The following REEP1 variants were observed in gnomAD, a reference collection of about 807,000 sequenced individuals.
REEP1 encodes receptor expression-enhancing protein 1.
In REEP1, 22 loss-of-function variants were observed where a neutral mutation model predicts 40.3. The ratio of observed to expected loss-of-function variants is 0.55; its 90% CI spans 0.39 to 0.78. The LOEUF is 0.78. REEP1 is among the 30% of genes least tolerant of loss of function. The probability of loss-of-function intolerance (pLI) is 0.00; values close to 1 mark genes in which losing one functional copy is unlikely to be tolerated. For synonymous variants in REEP1, 116 were observed against 139.2 expected, an observed-to-expected ratio of 0.83 and a Z score of 1.17; for missense variants, 280 against 361.1, an observed-to-expected ratio of 0.78 and a Z score of 1.82.
intron 3 of REEP1, among the ~76,000 whole-genome samples, chr2:86,259,903 T>C (rs1337495721): frequency 6.6e-6 from 1 of 152,164 alleles, no homozygotes; most frequent in Non-Finnish European, 1.5e-5. Context: ...AGAAGGTCCA[T>C]ACAAGTGGCT....
intron 2 of REEP1, among the ~76,000 whole-genome samples, chr2:86,276,216 C>T (rs1677748323): frequency 6.6e-6 from 1 of 152,216 alleles, no homozygotes; most frequent in Non-Finnish European, 1.5e-5. Context: ...GCAGCAATGA[C>T]CAAGCATCTC....
At chr2:86,285,026 G>A (rs991938483) in intron 1 of REEP1, among the ~76,000 whole-genome samples, 3 of 152,216 alleles carry the variant, frequency 2.0e-5, no homozygotes, top group Admixed American at 6.5e-5. Flanking sequence ...AATGAAGGAA[G>A]CAGGCTCAAG....
chr2:86,337,776 G>T (rs1681125090), upstream of REEP1: 4 of 808,646 alleles, frequency 4.9e-6, no homozygotes, highest in African/African-American at 1.8e-5. This position sits in a 1 kb window ranked among gnomAD's most constrained non-coding sequence, Gnocchi z 5.8. Flanking sequence ...GGCCCGCCCC[G>T]TCCCGCTCGC....
chr2:86,296,864 G>GA (rs932263613), intron 1 of REEP1, among the ~76,000 whole-genome samples: 13 of 151,798 alleles, frequency 8.6e-5, no homozygotes, highest in Non-Finnish European at 1.8e-4. Flanking sequence ...TCTCAAAAAA[G>GA]AAAAAAAATT....
chr2:86,252,200 A>C (rs188715725), intron 4 of REEP1, 130 bp from the exon 5 acceptor site: 1 of 740,328 alleles, frequency 1.4e-6, no homozygotes, highest in African/African-American at 1.7e-5. Flanking sequence ...GAAAAGCTGT[A>C]GGCACTTTGA....
At chr2:86,306,662 T>G (rs1382069168) in intron 1 of REEP1, among the ~76,000 whole-genome samples, 1 of 152,236 alleles carries the variant, frequency 6.6e-6, no homozygotes, top group Non-Finnish European at 1.5e-5. Context: ...TTATCTGATC[T>G]ACAAATTGGT....
At chr2:86,284,494 G>T (rs777555544) in intron 1 of REEP1, among the ~76,000 whole-genome samples, 4 of 152,172 alleles carry the variant, frequency 2.6e-5, no homozygotes, top group African/African-American at 9.7e-5. Flanking sequence ...GGGAACGCTC[G>T]TGACCTTGGG....
At chr2:86,315,656 G>A (rs1434334822) in intron 1 of REEP1, among the ~76,000 whole-genome samples, 6 of 152,130 alleles carry the variant, frequency 3.9e-5, no homozygotes, top group African/African-American at 1.4e-4. Flanking sequence ...ATACCCTCAT[G>A]GATACCAAAA....
At chr2:86,337,916 G>A, upstream of REEP1, 2 of 1,112,886 alleles carry the variant, frequency 1.8e-6, no homozygotes, top group Non-Finnish European at 1.3e-6. This position sits in a 1 kb window ranked among gnomAD's most constrained non-coding sequence, Gnocchi z 5.8. Context: ...GCGTTCCAGC[G>A]GAGAAACTGA....
chr2:86,254,963 G>T, intron 3 of REEP1, 149 bp from the exon 4 acceptor site: 1 of 775,298 alleles, frequency 1.3e-6, no homozygotes. Flanking sequence ...ACCTATGAAG[G>T]TGAGGGCACA....
chr2:86,263,363 G>A (rs1676962508), intron 3 of REEP1, among the ~76,000 whole-genome samples: 1 of 152,108 alleles, frequency 6.6e-6, no homozygotes, highest in Non-Finnish European at 1.5e-5. Flanking sequence ...CCAAGTAGCT[G>A]GGACTACAGG....
At chr2:86,330,710 T>G (rs918799809) in intron 1 of REEP1, among the ~76,000 whole-genome samples, 1 of 152,064 alleles carries the variant, frequency 6.6e-6, no homozygotes, top group Non-Finnish European at 1.5e-5. Context: ...CCTCCCAAAG[T>G]GCTGGGATTA....
intron 1 of REEP1, among the ~76,000 whole-genome samples, chr2:86,295,515 C>CAG (rs1678933652): frequency 6.6e-6 from 1 of 152,166 alleles, no homozygotes; most frequent in Non-Finnish European, 1.5e-5. Context: ...ATATAACAAA[C>CAG]AGCTGCTTTG....
At chr2:86,317,895 C>T (rs4832276) in intron 1 of REEP1, among the ~76,000 whole-genome samples, 54,975 of 151,968 alleles carry the variant, frequency 0.36, 11,867 homozygotes, top group East Asian at 0.57. Context: ...ACACCAGTTA[C>T]TTGAATGACT....
chr2:86,297,311 T>C (rs1243373179), intron 1 of REEP1, among the ~76,000 whole-genome samples: 2 of 152,252 alleles, frequency 1.3e-5, no homozygotes, highest in Non-Finnish European at 2.9e-5. Flanking sequence ...TTACTAGACA[T>C]GGGTTCATGG....
intron 1 of REEP1, among the ~76,000 whole-genome samples, chr2:86,294,805 C>T (rs1379935986): frequency 6.6e-6 from 1 of 151,976 alleles, no homozygotes; most frequent in African/African-American, 2.4e-5. Context: ...TCTGAGATGG[C>T]TTGGTTATAA....
At chr2:86,229,415 C>T (rs1000555551) in intron 6 of REEP1, among the ~76,000 whole-genome samples, 2 of 152,060 alleles carry the variant, frequency 1.3e-5, no homozygotes, top group Admixed American at 6.6e-5. Context: ...TCTGGCCTGG[C>T]ATCTGAGGCC....
intron 5 of REEP1, among the ~76,000 whole-genome samples, chr2:86,241,351 C>T (rs183350028): frequency 2.0e-4 from 30 of 152,340 alleles, no homozygotes; most frequent in African/African-American, 7.2e-4. Flanking sequence ...CGCTATCGCA[C>T]GTGATCGAGC....
chr2:86,247,939 C>T (rs921329182), intron 5 of REEP1, among the ~76,000 whole-genome samples: 3 of 152,134 alleles, frequency 2.0e-5, no homozygotes, highest in African/African-American at 7.2e-5. Flanking sequence ...ACAAAAAACA[C>T]TCCTGCAAAC....
Sources: allele counts gnomAD v4.1 joint callset (sites outside exome capture counted in the v4.1 genomes callset), GRCh38; gene constraint gnomAD v4.1.1; non-coding constraint Gnocchi (gnomAD v3.1); transcripts MANE v1.5; gene names NCBI Gene and HGNC (gene_info 2026-07-23, HGNC 2026-07-21).